PDCD6IP: variants seen among roughly 807,000 people sequenced by gnomAD.
PDCD6IP encodes programmed cell death 6 interacting protein, also known as programmed cell death 6-interacting protein.
PDCD6IP carries 43 observed loss-of-function variants against 103.7 expected under a neutral mutation model. The observed-to-expected ratio is 0.41, with a 90% CI of 0.32 to 0.53. The LOEUF (loss-of-function observed/expected upper bound fraction) is 0.53. Among genes scored for constraint, PDCD6IP ranks in the 20% least tolerant of loss-of-function variants. The probability of loss-of-function intolerance (pLI) is 0.16; values close to 1 mark genes in which losing one functional copy is unlikely to be tolerated. For missense variants in PDCD6IP, 871 were observed against 1,036.7 expected (o/e 0.84, Z 2.20); for synonymous variants, 354 against 378.7 (o/e 0.93, Z 0.76).
chr3:33,869,163 T>G lies in PDCD6IP; in HGVS notation c.*2638T>G, dbSNP rs113706827. On this transcript the variant is annotated 3_prime_UTR_variant, in exon 18 of 18. Coordinates refer to ENST00000307296, the MANE Select transcript of PDCD6IP (RefSeq NM_013374.6). ...ATAAAAAATGTTTTCCATTTGAACT[T>G]TACAGTTTGCAAAAGTGCTTTTATA... 6.6e-6 allele frequency: 1 copy of G among 152,222 alleles called. No homozygotes were observed. The highest frequency in any genetic ancestry group is 1.5e-5 in the Non-Finnish European group (1 of 68,032). 9.4% of individuals were successfully genotyped at this position (152,222 alleles called of 1,614,324 possible).
Position 33,867,353 on chromosome 3 carries a change from A to C in PDCD6IP, c.*828A>C, listed in dbSNP as rs1423416122. Reference sequence around the variant, plus strand: ...CAGAAAATTGATGCAAATTCTGGTAATAATTCTTGCATTTTTTCCCCATAA... The same window carrying C: ...CAGAAAATTGATGCAAATTCTGGTACTAATTCTTGCATTTTTTCCCCATAA... On this transcript the variant is annotated 3_prime_UTR_variant, in exon 18 of 18. Transcript: ENST00000307296. 1 of 152,166 alleles carries C rather than the reference A, an allele frequency of 6.6e-6. No homozygotes were observed. The highest frequency in any genetic ancestry group is 1.5e-5 in the Non-Finnish European group (1 of 68,014). The allele number at this position is 152,166 out of a possible 1,614,324, so 9.4% of individuals were successfully genotyped here. A position where few individuals can be genotyped will look rare whatever the true frequency, so the allele number is the denominator to read the frequency against.
chr3:33,818,431 C>G lies in PDCD6IP; in HGVS notation c.335-3524C>G, dbSNP rs577233135. Among the ~76,000 whole-genome samples, 14 of 149,922 alleles carry G rather than the reference C, an allele frequency of 9.3e-5. No homozygotes were observed. In the East Asian group the frequency reaches 1.4e-3, roughly 15 times the overall value. ...CTGATATTTAATTTTGTTCCTTGCT[C>G]TCTCCTGCCACACTGGCCTAATGTA... On this transcript the variant is annotated intron_variant, in intron 3 of 17. Coordinates refer to ENST00000307296, the MANE Select transcript of PDCD6IP (RefSeq NM_013374.6).
intron 15 of PDCD6IP, among the ~76,000 whole-genome samples, chr3:33,860,986 G>A (rs1455828479): frequency 3.5e-5 from 5 of 144,812 alleles, no homozygotes; most frequent in Admixed American, 2.2e-4. Context: ...TGTAAAATTT[G>A]TAGTAGCCGT....
Position 33,845,564 on chromosome 3 carries a change from A to T in PDCD6IP, c.1617A>T (p.Pro539=), listed in dbSNP as rs748539544. Residue 539 remains proline (P), a synonymous_variant, in exon 12 of 18, where the codon CCA becomes CCT. Transcript: ENST00000307296. ...ELNAAIPSAN[P]AKTMQGSEVV... Reference sequence around the variant, plus strand: ...ATGCTGCCATCCCTTCTGCTAATCCAGCAAAGACCATGCAGGGCAGTGAGG... The same window carrying T: ...ATGCTGCCATCCCTTCTGCTAATCCTGCAAAGACCATGCAGGGCAGTGAGG... 8.1e-6 allele frequency: 13 copies of T among 1,611,322 alleles called. No individual in the cohort carries two copies. The highest frequency in any genetic ancestry group is 1.1e-5 in the Non-Finnish European group (13 of 1,178,292).
intron 3 of PDCD6IP, among the ~76,000 whole-genome samples, chr3:33,814,851 CATATACATATATGTATATACAT>C (rs976398849): frequency 2.1e-5 from 3 of 143,116 alleles, no homozygotes; most frequent in East Asian, 2.0e-4. Context: ...ATGTATTATT[CATATACATATATGTATATACAT>C]ATATACATAT....
At chr3:33,800,119 C>CAAAAAAA (rs1173163869) in intron 1 of PDCD6IP, among the ~76,000 whole-genome samples, 6 of 50,890 alleles carry the variant, frequency 1.2e-4, no homozygotes, top group African/African-American at 4.5e-4. Flanking sequence ...GACTCCATCT[C>CAAAAAAA]AAAAAAAAAA....
In PDCD6IP at chr3:33,864,121, A is replaced by T; in HGVS notation, c.2236A>T (p.Thr746Ser). The T allele has an allele frequency of 6.4e-7, 1 of 1,568,542 alleles. No individual in the cohort carries two copies. The highest frequency in any genetic ancestry group is 8.8e-7 in the Non-Finnish European group (1 of 1,139,146). ...AACTCCTCCAACTCCAGCGCCAAGA[A>T]CCATGCCGGTTAGTAGGCAAATAAA... ...APTPPTPAPRTMPPTKPQPPA... is the reference protein window; with the variant it reads ...APTPPTPAPRSMPPTKPQPPA... The change falls in exon 16 of 18, where the codon ACC becomes TCC. Residue 746 changes from threonine (T) to serine (S), a missense_variant. By Grantham distance (58) the Thr-to-Ser change is moderately conservative. This residue lies in a region of PDCD6IP where 202 missense variants were observed against 205.2 expected (regional missense o/e 0.98). Coordinates refer to ENST00000307296, the MANE Select transcript of PDCD6IP (RefSeq NM_013374.6).
chr3:33,798,810 A>C lies in PDCD6IP; in HGVS notation c.82A>C (p.Thr28Pro). The change falls in exon 1 of 18, where the codon ACT becomes CCT. Residue 28 changes from threonine to proline, a missense_variant. By Grantham distance (38) the Thr-to-Pro change is conservative. Transcript: ENST00000307296. The part of the protein sequence containing the change: ...AKPLVKFIQQ[T>P]YPSGGEEQAQ... ...GCCGCTGGTGAAGTTCATCCAGCAG[A>C]CTTACCCAAGCGGCGGGGAAGAGCA... 1.3e-6 allele frequency: 2 copies of C among 1,568,570 alleles called. No homozygotes were observed. Among genetic ancestry groups the C allele is most frequent in the Non-Finnish European group, 1.7e-6 (2 of 1,157,104 alleles).
At chr3:33,859,749 G>T (rs529622519) in intron 15 of PDCD6IP, among the ~76,000 whole-genome samples, 16 of 152,304 alleles carry the variant, frequency 1.1e-4, no homozygotes, top group African/African-American at 3.6e-4. Context: ...CAATCCTTGT[G>T]TTGGGCATTT....
At chr3:33,830,817 C>G (rs1449991737) in intron 7 of PDCD6IP, among the ~76,000 whole-genome samples, 1 of 152,168 alleles carries the variant, frequency 6.6e-6, no homozygotes, top group Non-Finnish European at 1.5e-5. Flanking sequence ...CCCAAGAAGA[C>G]AAACAGAACA....
chr3:33,801,951 A>G (rs1216300697), intron 1 of PDCD6IP, among the ~76,000 whole-genome samples: 3 of 152,212 alleles, frequency 2.0e-5, no homozygotes, highest in South Asian at 2.1e-4. Flanking sequence ...TATGCAGTCT[A>G]TCAGGTACAT....
chr3:33,826,718 G>GTT (rs5847793), intron 6 of PDCD6IP, 138 bp downstream of exon 6: 3,933 of 1,069,410 alleles, frequency 3.7e-3, no homozygotes, highest in East Asian at 7.1e-3. Flanking sequence ...AGTAGAAATA[G>GTT]TTTTTTTTTT....
chr3:33,808,327 A>T (rs1217799343), intron 1 of PDCD6IP, among the ~76,000 whole-genome samples: 1 of 152,202 alleles, frequency 6.6e-6, no homozygotes, highest in Non-Finnish European at 1.5e-5. Context: ...ATCCTGGAGT[A>T]CAGTGGTGGG....
At chr3:33,820,615 A>G (rs1228050507) in intron 3 of PDCD6IP, among the ~76,000 whole-genome samples, 1 of 152,180 alleles carries the variant, frequency 6.6e-6, no homozygotes, top group African/African-American at 2.4e-5. Context: ...GTCTCTATGA[A>G]TTTGATTACT....
At chr3:33,817,389 TA>T (rs1212454975) in intron 3 of PDCD6IP, among the ~76,000 whole-genome samples, 5 of 152,250 alleles carry the variant, frequency 3.3e-5, no homozygotes, top group Admixed American at 6.5e-5. Flanking sequence ...GATTTTTAAT[TA>T]TTTTTTTGTA....
chr3:33,803,180 G>C (rs754555257), intron 1 of PDCD6IP, among the ~76,000 whole-genome samples: 2 of 152,124 alleles, frequency 1.3e-5, no homozygotes, highest in African/African-American at 2.4e-5. Context: ...TGTTTATTCA[G>C]ATTTATTTGT....
intron 15 of PDCD6IP, among the ~76,000 whole-genome samples, chr3:33,860,297 G>C (rs764711109): frequency 6.6e-6 from 1 of 152,188 alleles, no homozygotes; most frequent in Non-Finnish European, 1.5e-5. Flanking sequence ...AGATGGAAAA[G>C]TAGGCCATAT....
chr3:33,852,971 T>C (rs1461131348), intron 13 of PDCD6IP, among the ~76,000 whole-genome samples: 1 of 149,886 alleles, frequency 6.7e-6, no homozygotes, highest in African/African-American at 2.5e-5. Context: ...TCGCCCAGGC[T>C]GGAGTGCAGT....
intron 7 of PDCD6IP, among the ~76,000 whole-genome samples, chr3:33,831,306 C>T (rs1274746170): frequency 6.6e-6 from 1 of 151,744 alleles, no homozygotes; most frequent in Non-Finnish European, 1.5e-5. Flanking sequence ...ATTTATTTGA[C>T]TCATTAATGA....
Sources: allele counts gnomAD v4.1 joint callset (sites outside exome capture counted in the v4.1 genomes callset), GRCh38; gene constraint gnomAD v4.1.1; regional missense constraint gnomAD v4.1.1; transcripts MANE v1.5; gene names NCBI Gene and HGNC (gene_info 2026-07-23, HGNC 2026-07-21).